SLC14A2: variants seen among roughly 807,000 people sequenced by gnomAD.
SLC14A2 encodes solute carrier family 14 member 2.
Under a neutral mutation model 104.6 loss-of-function variants are expected in SLC14A2, and 91 were observed. The observed-to-expected ratio is 0.87, with a 90% CI of 0.73 to 1.04. The LOEUF is 1.04. Among genes scored for constraint, SLC14A2 ranks in the 50% least tolerant of loss-of-function variants. The pLI is 0.00. For synonymous variants in SLC14A2, 476 were observed against 466.4 expected (o/e 1.02, Z -0.27); for missense variants, 1,189 against 1,156.0 (o/e 1.03, Z -0.41).
chr18:45,364,330 A>G (rs1247510290), intron 1 of SLC14A2, among the ~76,000 whole-genome samples: 1 of 152,248 alleles, frequency 6.6e-6, no homozygotes, highest in East Asian at 1.9e-4. Context: ...CTGAAATTCA[A>G]TGTCTTCTGA....
intron 1 of SLC14A2, among the ~76,000 whole-genome samples, chr18:45,220,615 C>A (rs991360042): frequency 2.6e-5 from 4 of 152,182 alleles, no homozygotes; most frequent in African/African-American, 9.7e-5. Flanking sequence ...ATTTGGGATA[C>A]AAGTCACCAT....
At chr18:45,584,518 C>T (rs1206071852) in intron 2 of SLC14A2, among the ~76,000 whole-genome samples, 1 of 152,206 alleles carries the variant, frequency 6.6e-6, no homozygotes, top group Non-Finnish European at 1.5e-5. Flanking sequence ...TCTAGGACTG[C>T]TCCTTCCATC....
At chr18:45,432,020 A>G (rs541293235) in intron 1 of SLC14A2, among the ~76,000 whole-genome samples, 26 of 152,342 alleles carry the variant, frequency 1.7e-4, no homozygotes, top group South Asian at 1.7e-3. Flanking sequence ...ATGTAGTCAA[A>G]GAGGGAGATG....
At chr18:45,173,365 G>A in the SLC14A2 span, among the ~76,000 whole-genome samples, 22 of 151,990 alleles carry the variant, frequency 1.4e-4, no homozygotes, top group African/African-American at 4.6e-4. Context: ...ACTGGCTCAA[G>A]TATGGAAATT....
chr18:45,247,228 C>T (rs1013384318), intron 1 of SLC14A2, among the ~76,000 whole-genome samples: 6 of 152,196 alleles, frequency 3.9e-5, no homozygotes, highest in Admixed American at 2.6e-4. Flanking sequence ...AAGGTTGTTT[C>T]AACACCAAAC....
At chr18:45,456,365 A>T (rs1348528163) in intron 1 of SLC14A2, among the ~76,000 whole-genome samples, 1 of 152,156 alleles carries the variant, frequency 6.6e-6, no homozygotes, top group African/African-American at 2.4e-5. Context: ...CCCCCAGGGG[A>T]TGCTGTTTGT....
chr18:45,593,077 G>A (rs1328601081), intron 2 of SLC14A2, among the ~76,000 whole-genome samples: 1 of 152,176 alleles, frequency 6.6e-6, no homozygotes, highest in Admixed American at 6.5e-5. Context: ...CAGCACTTTG[G>A]GAGGCCGAGG....
intron 1 of SLC14A2, among the ~76,000 whole-genome samples, chr18:45,478,736 G>A (rs1386297947): frequency 1.3e-5 from 2 of 151,976 alleles, no homozygotes; most frequent in South Asian, 4.1e-4. Flanking sequence ...GGTTGTGTGT[G>A]TGGATATGTG....
chr18:45,208,815 G>A (rs2083936426), upstream of SLC14A2, among the ~76,000 whole-genome samples: 2 of 151,990 alleles, frequency 1.3e-5, no homozygotes, highest in African/African-American at 4.8e-5. Context: ...GATAGAAAAA[G>A]TTAGGGGTTT....
chr18:45,431,066 C>T (rs2086507507), intron 1 of SLC14A2, among the ~76,000 whole-genome samples: 1 of 152,130 alleles, frequency 6.6e-6, no homozygotes, highest in Admixed American at 6.5e-5. Context: ...TACTTTAGAT[C>T]ATTTACCTTT....
At chr18:45,173,087 A>G in the SLC14A2 span, among the ~76,000 whole-genome samples, 13 of 152,192 alleles carry the variant, frequency 8.5e-5, no homozygotes, top group Non-Finnish European at 5.9e-5. Context: ...TAAGATACCA[A>G]TGTGATTAGC....
At chr18:45,292,885 G>T (rs868432162) in intron 1 of SLC14A2, among the ~76,000 whole-genome samples, 23 of 152,186 alleles carry the variant, frequency 1.5e-4, no homozygotes, top group African/African-American at 4.6e-4. Flanking sequence ...CCTCTTTCAT[G>T]TACACTCCCA....
intron 1 of SLC14A2, among the ~76,000 whole-genome samples, chr18:45,474,677 A>T (rs968852101): frequency 1.3e-5 from 2 of 152,150 alleles, no homozygotes; most frequent in African/African-American, 4.8e-5. Context: ...AGGTGTTTAT[A>T]GTATTCTCTG....
chr18:45,453,151 C>A (rs2086884128), intron 1 of SLC14A2, among the ~76,000 whole-genome samples: 1 of 152,186 alleles, frequency 6.6e-6, no homozygotes, highest in African/African-American at 2.4e-5. Flanking sequence ...TTCAGACCCA[C>A]CTACTCAGCT....
chr18:45,390,926 T>C (rs577559454), intron 1 of SLC14A2, among the ~76,000 whole-genome samples: 2 of 152,370 alleles, frequency 1.3e-5, no homozygotes, highest in East Asian at 1.9e-4. Flanking sequence ...GTATTTATGA[T>C]GTTTTATGTT....
chr18:45,424,301 A>G (rs924270528), intron 1 of SLC14A2: 4 of 152,210 alleles, frequency 2.6e-5, no homozygotes, highest in Admixed American at 1.3e-4. Flanking sequence ...CCATATCCTC[A>G]TGTATAAAGG....
At chr18:45,419,788 AAT>A (rs1178427037) in intron 1 of SLC14A2, among the ~76,000 whole-genome samples, 31 of 151,750 alleles carry the variant, frequency 2.0e-4, no homozygotes, top group South Asian at 6.3e-4. Context: ...AAAAAAAAAA[AAT>A]CTCCAGTTTT....
chr18:45,188,804 T>C, the SLC14A2 span, among the ~76,000 whole-genome samples: 1 of 152,142 alleles, frequency 6.6e-6, no homozygotes, highest in African/African-American at 2.4e-5. Flanking sequence ...AGAGATTAAG[T>C]ATGAGACAAA....
intron 2 of SLC14A2, among the ~76,000 whole-genome samples, chr18:45,485,787 G>A (rs2087592312): frequency 1.3e-5 from 2 of 152,018 alleles, no homozygotes; most frequent in African/African-American, 4.8e-5. Flanking sequence ...GTGGCTCTAG[G>A]TTTGCAGTGT....
Sources: allele counts gnomAD v4.1 joint callset (sites outside exome capture counted in the v4.1 genomes callset), GRCh38; gene constraint gnomAD v4.1.1; transcripts MANE v1.5; gene names NCBI Gene and HGNC (gene_info 2026-07-23, HGNC 2026-07-21).